Variants in TAGLN observed in about 807,000 individuals in gnomAD.
TAGLN encodes the protein transgelin, also known as 22 kDa actin-binding protein.
A neutral mutation model predicts 21.9 loss-of-function variants in TAGLN; 16 were observed. The observed-to-expected ratio is 0.73, with a 90% CI of 0.49 to 1.11. The LOEUF is 1.11. Among genes scored for constraint, TAGLN ranks in the 50% least tolerant of loss-of-function variants. TAGLN has a pLI of 0.00. For missense variants in TAGLN, 248 were observed against 263.2 expected (o/e 0.94, Z 0.40); for synonymous variants, 96 against 94.9 (o/e 1.01, Z -0.06).
intron 4 of TAGLN, 153 bp downstream of exon 4, chr11:117,204,037 C>T (rs886881594): frequency 2.8e-6 from 3 of 1,079,686 alleles, no homozygotes; most frequent in African/African-American, 3.2e-5. Context: ...TACTCCTTGA[C>T]CCCTCCCTTT....
intron 4 of TAGLN, 52 bp from the exon 5 acceptor site, chr11:117,204,163 G>A (rs1470330400): frequency 4.3e-6 from 7 of 1,609,764 alleles, no homozygotes; most frequent in Non-Finnish European, 5.9e-6. Context: ...CAGAAAACGG[G>A]TGGAAAACAC....
In TAGLN at chr11:117,204,463, G is replaced by T. The variant is rs1350160972; in HGVS notation, c.*104G>T. ...CACCCGTGTGGTACCTTCAGCCCTG[G>T]CCAAGCTTTGAGGCTCTGTCACTGA... On this transcript the variant is annotated 3_prime_UTR_variant, in exon 5 of 5. Coordinates refer to ENST00000392951, the MANE Select transcript of TAGLN (RefSeq NM_003186.5). The T allele has an allele frequency of 1.3e-6, 2 of 1,554,556 alleles. No individual in the cohort carries two copies. The highest frequency in any genetic ancestry group is 1.8e-6 in the Non-Finnish European group (2 of 1,139,374).
rs1279239801 is a variant in TAGLN at position 117,204,417 on chromosome 11, C to T, written c.*58C>T. On this transcript the variant is annotated 3_prime_UTR_variant, in exon 5 of 5. Coordinates refer to ENST00000392951, the MANE Select transcript of TAGLN (RefSeq NM_003186.5). ...CCCCAGCTCCTTGGCTGCAGCCATCCCGCTTAGCCTGCCTCACCCACACCC... is the reference window on the plus strand; with the variant it reads ...CCCCAGCTCCTTGGCTGCAGCCATCTCGCTTAGCCTGCCTCACCCACACCC... 6.2e-7 allele frequency: 1 copy of T among 1,611,406 alleles called. No homozygotes were observed. Among genetic ancestry groups the T allele is most frequent in the African/African-American group, 1.3e-5 (1 of 74,894 alleles).
chr11:117,203,847 G>C lies in TAGLN; in HGVS notation c.424G>C (p.Asp142His). ...GGGCAGCTTGGCAGTGACCAAGAAT[G>C]ATGGGCACTACCGTGGAGATCCCAA... ...ALGSLAVTKN[D>H]GHYRGDPNWF... The change falls in exon 4 of 5, where the codon GAT becomes CAT. Residue 142 changes from aspartate to histidine, a missense_variant. Physicochemically the swap from Asp to His is moderately conservative, Grantham distance 81 (BLOSUM62 -1). Transcript: ENST00000392951. This position sits in a 1 kb window ranked among gnomAD's most constrained non-coding sequence, Gnocchi z 4.4. 6.2e-7 allele frequency: 1 copy of C among 1,614,086 alleles called. No individual in the cohort carries two copies. The highest frequency in any genetic ancestry group is 8.5e-7 in the Non-Finnish European group (1 of 1,179,966).
Position 117,204,761 on chromosome 11 carries a change from A to C in TAGLN, c.*402A>C, listed in dbSNP as rs1235813580. On this transcript the variant is annotated 3_prime_UTR_variant, in exon 5 of 5. Transcript: ENST00000392951. Reference sequence around the variant, plus strand: ...TGGAATATTTTTGGGGTTGGAACTCAAAAAAAAAAAAAAAAAATCAATCTT... The same window carrying C: ...TGGAATATTTTTGGGGTTGGAACTCCAAAAAAAAAAAAAAAAATCAATCTT... 7 of 67,366 alleles carry C rather than the reference A, an allele frequency of 1.0e-4. No homozygotes were observed. The highest frequency in any genetic ancestry group is 8.0e-4 in the South Asian group (2 of 2,500). 4.2% of individuals were successfully genotyped at this position (67,366 alleles called of 1,614,324 possible). A position where few individuals can be genotyped will look rare whatever the true frequency, so the allele number is the denominator to read the frequency against.
chr11:117,204,012 ATAATGGGTCCT>A (rs2031220937), intron 4 of TAGLN, 128 bp downstream of exon 4: 2 of 1,054,052 alleles, frequency 1.9e-6, no homozygotes, highest in African/African-American at 3.2e-5. Context: ...GGGATGGGGA[ATAATGGGTCCT>A]TAATACTCCT....
intron 1 of TAGLN, among the ~76,000 whole-genome samples, chr11:117,200,683 T>C (rs1177703100): frequency 1.1e-4 from 17 of 151,970 alleles, no homozygotes; most frequent in Admixed American, 6.6e-5. Context: ...GTGTGCTTCA[T>C]CCCCCTCTGA....
chr11:117,205,705 G>C lies in TAGLN; in HGVS notation c.*1346G>C, dbSNP rs2031329204. 4 of 322,672 alleles carry C rather than the reference G, an allele frequency of 1.2e-5. No individual in the cohort carries two copies. The highest frequency in any genetic ancestry group is 2.1e-5 in the African/African-American group (1 of 47,504). The allele number at this position is 322,672 out of a possible 1,614,324, so 20.0% of individuals were successfully genotyped here. On this transcript the variant is annotated 3_prime_UTR_variant, in exon 5 of 5. Transcript: ENST00000392951. ...CCATGCTTGGGGGACCTAGGCAGCT[G>C]GCTTGGCCCAAGAGAGATGAGGATG...
intron 1 of TAGLN, among the ~76,000 whole-genome samples, chr11:117,200,617 C>T (rs1229490742): frequency 1.3e-5 from 2 of 152,210 alleles, no homozygotes; most frequent in East Asian, 3.9e-4. Flanking sequence ...CTTTTCGACC[C>T]TGACCCAGGA....
rs1042785002 is a variant in TAGLN at position 117,204,553 on chromosome 11, G to A, written c.*194G>A. The A allele has an allele frequency of 3.1e-5, 26 of 829,072 alleles. No homozygotes were observed. Among genetic ancestry groups the A allele is most frequent in the Middle Eastern group, 3.1e-4 (1 of 3,234 alleles). 51.4% of individuals were successfully genotyped at this position (829,072 alleles called of 1,614,324 possible). A position where few individuals can be genotyped will look rare whatever the true frequency, so the allele number is the denominator to read the frequency against. On this transcript the variant is annotated 3_prime_UTR_variant, in exon 5 of 5. Transcript: ENST00000392951. ...CCAGCCTCAGCCCAACTTCTTACCCGAAAGCATCACTGCCTTGGCCCCTCC... is the reference window on the plus strand; with the variant it reads ...CCAGCCTCAGCCCAACTTCTTACCCAAAAGCATCACTGCCTTGGCCCCTCC...
In TAGLN at chr11:117,205,251, C is replaced by T. The variant is rs906890049; in HGVS notation, c.*892C>T. 2.1e-5 allele frequency: 5 copies of T among 233,586 alleles called. No homozygotes were observed. Among genetic ancestry groups the T allele is most frequent in the East Asian group, 6.0e-5 (1 of 16,592 alleles). The allele number at this position is 233,586 out of a possible 1,614,324, so 14.5% of individuals were successfully genotyped here. A position where few individuals can be genotyped will look rare whatever the true frequency, so the allele number is the denominator to read the frequency against. ...GCCTGTCAGGCAGATAGCTGGCCTC[C>T]GGCGGGAAGGCCATTTCCCTGAGCA... On this transcript the variant is annotated 3_prime_UTR_variant, in exon 5 of 5. Coordinates refer to ENST00000392951, the MANE Select transcript of TAGLN (RefSeq NM_003186.5).
chr11:117,206,025 G>A lies in TAGLN; in HGVS notation c.*1666G>A, dbSNP rs201598301. On this transcript the variant is annotated 3_prime_UTR_variant, in exon 5 of 5. Transcript: ENST00000392951. ...GCAGATCTGCTCCTCCTTCCCGTGC[G>A]GTACGTCTAGGTGCTGATGAGGGCA... is the stretch of plus-strand genomic sequence containing the variant. 0.027 allele frequency: 33,071 copies of A among 1,222,646 alleles called. 621 individuals are homozygous for A. Among genetic ancestry groups the A allele is most frequent in the South Asian group, 0.081 (5,510 of 68,398 alleles). 75.7% of individuals were successfully genotyped at this position (1,222,646 alleles called of 1,614,324 possible).
In TAGLN at chr11:117,204,506, T is replaced by G; in HGVS notation, c.*147T>G. 8.0e-7 allele frequency: 1 copy of G among 1,244,722 alleles called. No homozygotes were observed. The highest frequency in any genetic ancestry group is 1.1e-6 in the Non-Finnish European group (1 of 873,206). The allele number at this position is 1,244,722 out of a possible 1,614,324, so 77.1% of individuals were successfully genotyped here. A position where few individuals can be genotyped will look rare whatever the true frequency, so the allele number is the denominator to read the frequency against. On this transcript the variant is annotated 3_prime_UTR_variant, in exon 5 of 5. Transcript: ENST00000392951. Reference sequence around the variant, plus strand: ...GTCACTGAGCAATGGTAACTGCACCTGGGCAGCTCCTCCCTGTGCCCCCAG... The same window carrying G: ...GTCACTGAGCAATGGTAACTGCACCGGGGCAGCTCCTCCCTGTGCCCCCAG...
At chr11:117,202,384 G>A (rs1363960338) in intron 1 of TAGLN, 1 of 152,280 alleles carries the variant, frequency 6.6e-6, no homozygotes, top group Admixed American at 6.5e-5. Flanking sequence ...CTGGAGTTCT[G>A]GAGTTCGGGC....
chr11:117,199,933 A>G (rs2031014901), intron 1 of TAGLN: 1 of 152,202 alleles, frequency 6.6e-6, no homozygotes. Context: ...GTGAAGGGCC[A>G]CAGAACTCTT....
Position 117,203,003 on chromosome 11 carries a change from T to C in TAGLN, c.-11T>C, listed in dbSNP as rs1226241350. On this transcript the variant is annotated splice_region_variant and 5_prime_UTR_variant, in exon 2 of 5. Transcript: ENST00000392951. The surrounding 1 kb of genome is among the most constrained non-coding windows in gnomAD (Gnocchi z 4.4). ...CTCCTCCACCCTGGCCTGCTTTAGC[T>C]TTCCCCAGACATGGCCAACAAGGGT... is the stretch of plus-strand genomic sequence containing the variant. 6.5e-7 allele frequency: 1 copy of C among 1,546,112 alleles called. No individual in the cohort carries two copies.
In TAGLN at chr11:117,204,419, G is replaced by C. The variant is rs559166731; in HGVS notation, c.*60G>C. 2.2e-4 allele frequency: 357 copies of C among 1,610,204 alleles called. No individual in the cohort carries two copies. In the South Asian group the frequency reaches 3.7e-3, roughly 17 times the overall value. On this transcript the variant is annotated 3_prime_UTR_variant, in exon 5 of 5. Coordinates refer to ENST00000392951, the MANE Select transcript of TAGLN (RefSeq NM_003186.5). Reference sequence around the variant, plus strand: ...CCAGCTCCTTGGCTGCAGCCATCCCGCTTAGCCTGCCTCACCCACACCCGT... The same window carrying C: ...CCAGCTCCTTGGCTGCAGCCATCCCCCTTAGCCTGCCTCACCCACACCCGT...
chr11:117,203,420 G>A lies in TAGLN; in HGVS notation c.294G>A (p.Leu98=), dbSNP rs2031185784. 2 of 1,614,208 alleles carry A rather than the reference G, an allele frequency of 1.2e-6. No individual in the cohort carries two copies. The highest frequency in any genetic ancestry group is 1.7e-6 in the Non-Finnish European group (2 of 1,180,034). The part of the protein sequence containing the change: ...FKQMEQVAQF[L]KAAEDYGVIK... ...AGATGGAGCAGGTGGCTCAGTTCCT[G>A]AAGGCGGCTGAGGACTATGGGGTCA... is the stretch of plus-strand genomic sequence containing the variant. Residue 98 remains leucine (L), a synonymous_variant, in exon 3 of 5, where the codon CTG becomes CTA. Coordinates refer to ENST00000392951, the MANE Select transcript of TAGLN (RefSeq NM_003186.5). This position sits in a 1 kb window ranked among gnomAD's most constrained non-coding sequence, Gnocchi z 4.4.
rs2031362816 is a variant in TAGLN at position 117,206,164 on chromosome 11, G to T, written c.*1805G>T. ...CTGCTCTCTGTTTCCACTTCGTCTG[G>T]ATCCTTGCTGCTGCAAAGTGGCACT... On this transcript the variant is annotated 3_prime_UTR_variant, in exon 5 of 5. Coordinates refer to ENST00000392951, the MANE Select transcript of TAGLN (RefSeq NM_003186.5). 6.2e-7 allele frequency: 1 copy of T among 1,612,892 alleles called. No individual in the cohort carries two copies. Among genetic ancestry groups the T allele is most frequent in the Non-Finnish European group, 8.5e-7 (1 of 1,179,246 alleles).
Sources: allele counts gnomAD v4.1 joint callset (sites outside exome capture counted in the v4.1 genomes callset), GRCh38; gene constraint gnomAD v4.1.1; non-coding constraint Gnocchi (gnomAD v3.1); transcripts MANE v1.5; gene names NCBI Gene and HGNC (gene_info 2026-07-23, HGNC 2026-07-21).